The following LARGE1 variants were observed in gnomAD, a reference collection of about 807,000 sequenced individuals.
LARGE1 encodes LARGE xylosyl- and glucuronyltransferase 1.
In LARGE1, 43 loss-of-function variants were observed where a neutral mutation model predicts 87.6. That is an observed-to-expected ratio of 0.49 (90% confidence interval 0.38 to 0.63). The LOEUF is 0.63. Among genes scored for constraint, LARGE1 ranks in the 30% least tolerant of loss-of-function variants. LARGE1 has a pLI of 0.00. For synonymous variants in LARGE1, 434 were observed against 394.6 expected, an observed-to-expected ratio of 1.10 and a Z score of -1.18; for missense variants, 802 against 1,000.2, an observed-to-expected ratio of 0.80 and a Z score of 2.67.
intron 2 of LARGE1, among the ~76,000 whole-genome samples, chr22:33,670,807 T>G (rs1411315100): frequency 6.6e-6 from 1 of 152,200 alleles, no homozygotes; most frequent in Non-Finnish European, 1.5e-5. Flanking sequence ...CATAAGCAAA[T>G]AAATGTGGAT....
intron 12 of LARGE1, among the ~76,000 whole-genome samples, chr22:33,302,938 C>T (rs1276497637): frequency 1.3e-5 from 2 of 152,102 alleles, no homozygotes; most frequent in Non-Finnish European, 2.9e-5. Flanking sequence ...ATGATATATG[C>T]AAATCACCTC....
intron 1 of LARGE1, among the ~76,000 whole-genome samples, chr22:33,781,756 C>T (rs2085427418): frequency 6.6e-6 from 1 of 152,142 alleles, no homozygotes; most frequent in Non-Finnish European, 1.5e-5. Flanking sequence ...TAAGTGACCG[C>T]ATTAGTCCAT....
In LARGE1 at chr22:33,274,442, G is replaced by A. The variant is rs114246562; in HGVS notation, c.2256C>T (p.Ala752=). The A allele has an allele frequency of 6.4e-5, 103 of 1,614,162 alleles. No homozygotes were observed. The highest frequency in any genetic ancestry group is 5.8e-4 in the South Asian group (53 of 91,082). ...YGFAALKYLT[A]ENNS ...CTTCTTGGTGCTAGCTGTTGTTCTC[G>A]GCTGTGAGATATTTCAGGGCAGCAA... is the stretch of plus-strand genomic sequence containing the variant. The change falls in exon 15 of 15, where the codon GCC becomes GCT. Residue 752 remains alanine, a synonymous_variant. Transcript: ENST00000397394.
At chr22:33,672,317 C>T (rs959524016) in intron 2 of LARGE1, among the ~76,000 whole-genome samples, 1 of 152,220 alleles carries the variant, frequency 6.6e-6, no homozygotes, top group African/African-American at 2.4e-5. Flanking sequence ...GAAAAGCTAT[C>T]CCATCTATTA....
At chr22:33,817,806 C>T (rs2086700152) in intron 1 of LARGE1, among the ~76,000 whole-genome samples, 2 of 152,070 alleles carry the variant, frequency 1.3e-5, no homozygotes, top group Admixed American at 6.6e-5. Flanking sequence ...ATTAGTTATG[C>T]CTTACAACTT....
intron 1 of LARGE1, among the ~76,000 whole-genome samples, chr22:33,823,570 C>T (rs2062698926): frequency 6.6e-6 from 1 of 152,198 alleles, no homozygotes; most frequent in Admixed American, 6.5e-5. Flanking sequence ...CTCACGCACC[C>T]CTCAGATAGG....
At chr22:33,400,845 G>A (rs1416399810) in intron 7 of LARGE1, among the ~76,000 whole-genome samples, 1 of 152,216 alleles carries the variant, frequency 6.6e-6, no homozygotes, top group Non-Finnish European at 1.5e-5. Context: ...GGTCACAGGT[G>A]TCTTCTCTAC....
intron 1 of LARGE1, among the ~76,000 whole-genome samples, chr22:33,774,257 G>T (rs1222426819): frequency 1.5e-5 from 1 of 66,652 alleles, no homozygotes; most frequent in Non-Finnish European, 3.5e-5. Context: ...AGGCTTCCTT[G>T]GATAAGACAA....
At chr22:33,876,732 G>A (rs967498647) in intron 1 of LARGE1, among the ~76,000 whole-genome samples, 7 of 151,722 alleles carry the variant, frequency 4.6e-5, no homozygotes, top group African/African-American at 9.7e-5. Flanking sequence ...ATGACGGGTC[G>A]ACAGGTGCAG....
chr22:33,349,722 TATACC>T (rs1940175595), intron 9 of LARGE1, among the ~76,000 whole-genome samples: 1 of 152,284 alleles, frequency 6.6e-6, no homozygotes, highest in African/African-American at 2.4e-5. Flanking sequence ...TGGTGCCCTT[TATACC>T]AAGACATCTC....
chr22:33,664,795 C>T lies in LARGE1; in HGVS notation c.107-14127G>A, dbSNP rs184987917. Among the ~76,000 whole-genome samples, 181 of 152,172 alleles carry T rather than the reference C, an allele frequency of 1.2e-3. 1 individual carries two copies. Among genetic ancestry groups the T allele is most frequent in the African/African-American group, 4.2e-3 (176 of 41,520 alleles). On this transcript the variant is annotated intron_variant, in intron 2 of 14. Coordinates refer to ENST00000397394, the MANE Select transcript of LARGE1 (RefSeq NM_133642.5). Reference sequence around the variant, plus strand: ...AGAAGAAACGCTTGAACCCAAGAGGCGGAGGGTGAGCCAAGACTGCGCCAC... The same window carrying T: ...AGAAGAAACGCTTGAACCCAAGAGGTGGAGGGTGAGCCAAGACTGCGCCAC...
chr22:33,753,134 C>T (rs982028008), intron 2 of LARGE1, among the ~76,000 whole-genome samples: 2 of 152,092 alleles, frequency 1.3e-5, no homozygotes, highest in African/African-American at 2.4e-5. Flanking sequence ...GCAGGAGAAT[C>T]ACTTGAACCA....
intron 7 of LARGE1, among the ~76,000 whole-genome samples, chr22:33,402,211 G>C (rs928095459): frequency 7.2e-5 from 11 of 152,186 alleles, no homozygotes; most frequent in Non-Finnish European, 1.3e-4. Flanking sequence ...CATTGGCTTT[G>C]GTAGGTCTGC....
intron 1 of LARGE1, among the ~76,000 whole-genome samples, chr22:33,763,773 T>G (rs572161739): frequency 6.6e-6 from 1 of 151,862 alleles, no homozygotes; most frequent in African/African-American, 2.4e-5. Flanking sequence ...CCAAAGATAT[T>G]TTAAGTACAT....
chr22:33,670,752 C>A (rs1244481363), intron 2 of LARGE1, among the ~76,000 whole-genome samples: 1 of 152,144 alleles, frequency 6.6e-6, no homozygotes, highest in Non-Finnish European at 1.5e-5. Context: ...CAATCTAATT[C>A]CAGAGTTTGA....
At chr22:33,764,700 GTGAGCAAGA>G (rs1271846014) in intron 1 of LARGE1, among the ~76,000 whole-genome samples, 1 of 152,194 alleles carries the variant, frequency 6.6e-6, no homozygotes, top group African/African-American at 2.4e-5. Flanking sequence ...GGAGGTTACA[GTGAGCAAGA>G]TTGTGCCACC....
At chr22:33,639,002 T>C (rs2080352093) in intron 3 of LARGE1, among the ~76,000 whole-genome samples, 1 of 152,228 alleles carries the variant, frequency 6.6e-6, no homozygotes, top group Admixed American at 6.5e-5. Context: ...GAGATGGGTA[T>C]GTGCTGAGTG....
At chr22:33,318,804 T>C (rs1177839641) in intron 10 of LARGE1, among the ~76,000 whole-genome samples, 5 of 151,842 alleles carry the variant, frequency 3.3e-5, no homozygotes, top group South Asian at 2.1e-4. Context: ...TTTTTTTTTT[T>C]CTGTTAAATC....
At chr22:33,522,063 C>T (rs539472085) in intron 6 of LARGE1, among the ~76,000 whole-genome samples, 5 of 152,210 alleles carry the variant, frequency 3.3e-5, no homozygotes, top group South Asian at 2.1e-4. Flanking sequence ...CTCATTACCA[C>T]GGGGATGGCA....
Sources: allele counts gnomAD v4.1 joint callset (sites outside exome capture counted in the v4.1 genomes callset), GRCh38; gene constraint gnomAD v4.1.1; transcripts MANE v1.5; gene names NCBI Gene and HGNC (gene_info 2026-07-23, HGNC 2026-07-21).